The following SDK1 variants were observed in gnomAD, a reference collection of about 807,000 sequenced individuals.
SDK1 encodes the protein protein sidekick-1.
SDK1 carries 157 observed loss-of-function variants against 245.5 expected under a neutral mutation model. The observed-to-expected ratio is 0.64, with a 90% CI of 0.56 to 0.73. The LOEUF is 0.73. Ranked by LOEUF, SDK1 falls within the 30% of genes least tolerant of loss-of-function variation. The pLI is 0.00. For synonymous variants in SDK1, 1,647 were observed against 1,278.5 expected, an observed-to-expected ratio of 1.29 and a Z score of -6.15; for missense variants, 3,583 against 3,002.3, an observed-to-expected ratio of 1.19 and a Z score of -4.52.
chr7:3,791,243 A>G (rs1320810803), intron 4 of SDK1, among the ~76,000 whole-genome samples: 2 of 152,108 alleles, frequency 1.3e-5, no homozygotes, highest in Non-Finnish European at 2.9e-5. Flanking sequence ...AGTGTAACCT[A>G]GCAACATTGT....
intron 1 of SDK1, among the ~76,000 whole-genome samples, chr7:3,399,515 A>G (rs1055519605): frequency 2.0e-5 from 3 of 152,110 alleles, no homozygotes; most frequent in Non-Finnish European, 4.4e-5. Context: ...GTTAAACACT[A>G]TAAATTTTAA....
At chr7:3,990,289 G>T (rs1784196697) in intron 14 of SDK1, among the ~76,000 whole-genome samples, 1 of 152,192 alleles carries the variant, frequency 6.6e-6, no homozygotes, top group South Asian at 2.1e-4. Flanking sequence ...CCCTTGCAGG[G>T]GCATCTCTGA....
chr7:3,320,865 A>C (rs1053669084), intron 1 of SDK1, among the ~76,000 whole-genome samples: 4 of 151,782 alleles, frequency 2.6e-5, no homozygotes, highest in African/African-American at 7.3e-5. Flanking sequence ...TGGAGAAATT[A>C]GTATGTTGGT....
intron 1 of SDK1, among the ~76,000 whole-genome samples, chr7:3,616,442 C>T (rs538743903): frequency 6.6e-6 from 1 of 152,286 alleles, no homozygotes; most frequent in South Asian, 2.1e-4. Context: ...GAAAGTCTTG[C>T]TGTTCACTCT....
In SDK1 at chr7:4,182,353, G is replaced by T. The variant is rs1221889156; in HGVS notation, c.5098+3767G>T. On this transcript the variant is annotated intron_variant, in intron 35 of 44. Coordinates refer to ENST00000404826, the MANE Select transcript of SDK1 (RefSeq NM_152744.4). ...GCGGGGCTGCCTTCTCTCTAATGCT[G>T]CTCCTCCCCATTAGACCAAGGCTGC... is the stretch of plus-strand genomic sequence containing the variant. Among the ~76,000 whole-genome samples, 3 of 152,174 alleles carry T rather than the reference G, an allele frequency of 2.0e-5. 1 individual carries two copies. The highest frequency in any genetic ancestry group is 4.1e-4 in the South Asian group (2 of 4,830).
At chr7:3,490,288 T>G (rs185839905) in intron 1 of SDK1, among the ~76,000 whole-genome samples, 12 of 152,370 alleles carry the variant, frequency 7.9e-5, no homozygotes, top group African/African-American at 2.9e-4. Context: ...TCCTTATCAC[T>G]GATACCAATT....
intron 1 of SDK1, among the ~76,000 whole-genome samples, chr7:3,542,201 G>A (rs1362572202): frequency 6.6e-6 from 1 of 152,158 alleles, no homozygotes; most frequent in African/African-American, 2.4e-5. Context: ...TTCTTATTAT[G>A]TTATGGCCTG....
chr7:4,045,885 C>A (rs188110161), intron 17 of SDK1, among the ~76,000 whole-genome samples: 1 of 152,068 alleles, frequency 6.6e-6, no homozygotes, highest in Non-Finnish European at 1.5e-5. Context: ...ATTCTTTTTG[C>A]GTACATTTTT....
At chr7:3,702,776 T>G (rs1784774973) in intron 4 of SDK1, among the ~76,000 whole-genome samples, 1 of 152,200 alleles carries the variant, frequency 6.6e-6, no homozygotes, top group Admixed American at 6.5e-5. Context: ...AAGTTCAGCA[T>G]TTTTACTCAT....
At chr7:3,806,411 C>T (rs1047714360) in intron 4 of SDK1, among the ~76,000 whole-genome samples, 7 of 150,330 alleles carry the variant, frequency 4.7e-5, no homozygotes, top group South Asian at 2.1e-4. Flanking sequence ...GGCCCTTATT[C>T]GGCCCACCAC....
chr7:3,500,343 G>C (rs181904133), intron 1 of SDK1, among the ~76,000 whole-genome samples: 1 of 152,178 alleles, frequency 6.6e-6, no homozygotes, highest in Admixed American at 6.5e-5. Flanking sequence ...AACGTCATGA[G>C]AAATGCATTC....
At chr7:4,174,676 CA>C (rs1317195023) in intron 33 of SDK1, among the ~76,000 whole-genome samples, 1 of 152,112 alleles carries the variant, frequency 6.6e-6, no homozygotes, top group Admixed American at 6.5e-5. Context: ...GAGATGGAGG[CA>C]GGGGGCCAGT....
At chr7:3,753,360 G>A (rs1258193754) in intron 4 of SDK1, among the ~76,000 whole-genome samples, 1 of 152,152 alleles carries the variant, frequency 6.6e-6, no homozygotes, top group Non-Finnish European at 1.5e-5. Context: ...ATCAGTATTA[G>A]AGATGCAAGC....
At chr7:4,241,328 A>C (rs1291443296) in intron 42 of SDK1, among the ~76,000 whole-genome samples, 1 of 151,982 alleles carries the variant, frequency 6.6e-6, no homozygotes, top group Non-Finnish European at 1.5e-5. Flanking sequence ...AATTTCCCGG[A>C]ATTTTTAGAA....
At chr7:3,407,868 G>GGT (rs1247093453) in intron 1 of SDK1, among the ~76,000 whole-genome samples, 4 of 152,186 alleles carry the variant, frequency 2.6e-5, no homozygotes, top group Non-Finnish European at 4.4e-5. Context: ...GACTAGCACA[G>GGT]GTGAGGCATC....
intron 4 of SDK1, among the ~76,000 whole-genome samples, chr7:3,649,500 A>AT (rs1266849911): frequency 1.3e-5 from 2 of 151,896 alleles, no homozygotes; most frequent in African/African-American, 4.8e-5. Flanking sequence ...TTTCACACAA[A>AT]TGACATCATT....
intron 4 of SDK1, among the ~76,000 whole-genome samples, chr7:3,702,685 C>T (rs1784772912): frequency 6.6e-6 from 1 of 152,116 alleles, no homozygotes; most frequent in Non-Finnish European, 1.5e-5. Flanking sequence ...TGGCTGTTCC[C>T]CATGTTGGAC....
Position 3,936,304 on chromosome 7 carries a change from G to C in SDK1, c.848-14619G>C, listed in dbSNP as rs191887100. On this transcript the variant is annotated intron_variant, in intron 5 of 44. Coordinates refer to ENST00000404826, the MANE Select transcript of SDK1 (RefSeq NM_152744.4). ...TGGGAAAATAAAAGTGTTTTGGGCCGGGCACGGTGGCTCACGCCTGTAATC... is the reference window on the plus strand; with the variant it reads ...TGGGAAAATAAAAGTGTTTTGGGCCCGGCACGGTGGCTCACGCCTGTAATC... 7.2e-5 allele frequency among the ~76,000 whole-genome samples: 11 copies of C among 152,180 alleles called. No homozygotes were observed. In the Middle Eastern group the frequency reaches 0.017, roughly 235 times the overall value.
At chr7:3,356,785 C>T (rs780591398) in intron 1 of SDK1, among the ~76,000 whole-genome samples, 2 of 152,192 alleles carry the variant, frequency 1.3e-5, no homozygotes, top group East Asian at 1.9e-4. Flanking sequence ...AGGCCAGGCA[C>T]GGTGGCTCAT....
Sources: gnomAD v4.1 joint callset for allele counts (sites outside exome capture counted in the v4.1 genomes callset) on GRCh38, gnomAD v4.1.1 for gene constraint, MANE v1.5 for transcripts, NCBI Gene and HGNC (gene_info 2026-07-23, HGNC 2026-07-21) for gene names.